Variants in NTRK2 observed in about 807,000 individuals in gnomAD.
NTRK2 encodes neurotrophic receptor tyrosine kinase 2.
A neutral mutation model predicts 94.5 loss-of-function variants in NTRK2; 13 were observed. The observed-to-expected ratio is 0.14, with a 90% CI of 0.09 to 0.22. The LOEUF (loss-of-function observed/expected upper bound fraction) is 0.22, where lower values mean the gene tolerates loss of function less well. Ranked by LOEUF, NTRK2 falls within the 10% of genes least tolerant of loss-of-function variation. The probability of loss-of-function intolerance (pLI) is 1.00; values close to 1 mark genes in which losing one functional copy is unlikely to be tolerated. For synonymous variants in NTRK2, 372 were observed against 407.4 expected (o/e 0.91, Z 1.05); for missense variants, 639 against 1,071.2 (o/e 0.60, Z 5.63).
intron 9 of NTRK2, among the ~76,000 whole-genome samples, chr9:84,731,157 G>C (rs957366871): frequency 7.2e-5 from 11 of 152,116 alleles, no homozygotes; most frequent in African/African-American, 2.7e-4. Context: ...ATTTCTGCTC[G>C]GGCGCGCTGG....
intron 12 of NTRK2, 34 bp from the exon 13 acceptor site, chr9:84,861,006 C>T (rs762888338): frequency 8.7e-6 from 14 of 1,602,050 alleles, no homozygotes; most frequent in Admixed American, 3.3e-5. Context: ...ACTTCTCTTT[C>T]GAAGTTTATT....
At position 84,961,567 on chromosome 9, in the gene NTRK2, A is replaced by T. The variant is rs1477862214; in HGVS notation, c.2172+6050A>T. Among the ~76,000 whole-genome samples, 4 of 152,346 alleles carry T rather than the reference A, an allele frequency of 2.6e-5. No individual in the cohort carries two copies. In the East Asian group the frequency reaches 7.7e-4, roughly 29 times the overall value. On this transcript the variant is annotated intron_variant, in intron 17 of 18. Transcript: ENST00000277120. ...TTCAGCCTCCCTAAGAACCTTTTAC[A>T]TATGCTTTGGAGTTGCCACAGGGTG... is the stretch of plus-strand genomic sequence containing the variant.
At chr9:84,810,466 T>G in intron 12 of NTRK2, 1 of 1,307,588 alleles carries the variant, frequency 7.6e-7, no homozygotes. Flanking sequence ...CATTTGAAAG[T>G]TATTGTACTT....
In NTRK2 at chr9:85,025,345, C is replaced by A; in HGVS notation, c.*3908C>A. The A allele has an allele frequency of 4.3e-6, 1 of 233,154 alleles. No homozygotes were observed. Among genetic ancestry groups the A allele is most frequent in the Non-Finnish European group, 8.5e-6 (1 of 118,002 alleles). The allele number at this position is 233,154 out of a possible 1,614,324, so 14.4% of individuals were successfully genotyped here. ...CACCTTGTCTCTGTCTCACTGTGAC[C>A]CCTTTACACTTGAGTTCAGAGTTCA... is the stretch of plus-strand genomic sequence containing the variant. On this transcript the variant is annotated 3_prime_UTR_variant, in exon 19 of 19. Coordinates refer to ENST00000277120, the MANE Select transcript of NTRK2 (RefSeq NM_006180.6).
At chr9:84,672,565 G>A (rs561068560) in intron 2 of NTRK2, among the ~76,000 whole-genome samples, 3 of 152,284 alleles carry the variant, frequency 2.0e-5, no homozygotes, top group Admixed American at 2.0e-4. Context: ...ATTATGGGGA[G>A]TGCCTTCCAC....
intron 9 of NTRK2, among the ~76,000 whole-genome samples, chr9:84,728,523 G>A (rs148169285): frequency 4.6e-5 from 7 of 152,212 alleles, no homozygotes; most frequent in South Asian, 2.1e-4. Context: ...ATGCAAAACC[G>A]CAAGCGCAGG....
At chr9:84,725,705 C>T (rs1202536782) in intron 8 of NTRK2, among the ~76,000 whole-genome samples, 2 of 149,600 alleles carry the variant, frequency 1.3e-5, no homozygotes, top group Non-Finnish European at 3.0e-5. Context: ...AGGGTCTCCC[C>T]AAATTATATT....
intron 4 of NTRK2, among the ~76,000 whole-genome samples, chr9:84,703,289 ACCC>A (rs2060842573): frequency 6.6e-6 from 1 of 152,118 alleles, no homozygotes; most frequent in Non-Finnish European, 1.5e-5. Context: ...TATCTGTGGG[ACCC>A]TCACCTGGAT....
intron 17 of NTRK2, among the ~76,000 whole-genome samples, chr9:84,969,517 T>G (rs930247418): frequency 2.6e-5 from 4 of 152,264 alleles, no homozygotes; most frequent in Non-Finnish European, 5.9e-5. Flanking sequence ...AAGAACAGCG[T>G]TGCATTCAGC....
intron 12 of NTRK2, among the ~76,000 whole-genome samples, chr9:84,830,129 G>C (rs1480983610): frequency 6.6e-6 from 1 of 152,196 alleles, no homozygotes; most frequent in East Asian, 1.9e-4. Flanking sequence ...GTAGACTTAT[G>C]CTAAGTATGG....
intron 12 of NTRK2, among the ~76,000 whole-genome samples, chr9:84,761,804 G>T (rs910686620): frequency 4.6e-5 from 7 of 152,100 alleles, no homozygotes; most frequent in Non-Finnish European, 7.4e-5. Context: ...TATTTAGTTG[G>T]CATTCCCAGT....
chr9:84,925,650 C>T (rs909132797), intron 14 of NTRK2, among the ~76,000 whole-genome samples: 3 of 152,182 alleles, frequency 2.0e-5, no homozygotes, highest in African/African-American at 7.2e-5. Flanking sequence ...AAGAGTCTTG[C>T]TGAGCTGCGG....
intron 12 of NTRK2, among the ~76,000 whole-genome samples, chr9:84,859,276 G>A (rs1277216426): frequency 2.0e-5 from 3 of 152,174 alleles, no homozygotes; most frequent in Admixed American, 1.3e-4. Context: ...ATTCCTGTAA[G>A]GGGAAATTGG....
chr9:84,754,609 A>G (rs2064919459), intron 12 of NTRK2, among the ~76,000 whole-genome samples: 1 of 152,234 alleles, frequency 6.6e-6, no homozygotes, highest in Admixed American at 6.5e-5. Flanking sequence ...TATGCTTCCG[A>G]AAATAACCAG....
rs2304984 is a variant in NTRK2 at position 84,934,339 on chromosome 9, G to A, written c.1764+47G>A. On this transcript the variant is annotated intron_variant, in intron 15 of 18. Transcript: ENST00000277120. ...TCTCATTAACCATGATCACACTTACGTGTGGAAATTTAACTCTATTTTATT... is the reference window on the plus strand; with the variant it reads ...TCTCATTAACCATGATCACACTTACATGTGGAAATTTAACTCTATTTTATT... The A allele has an allele frequency of 4.0e-3, 6,407 of 1,607,406 alleles. 184 individuals are homozygous for A. In the Admixed American group the frequency reaches 0.055, roughly 14 times the overall value.
intron 18 of NTRK2, among the ~76,000 whole-genome samples, chr9:85,020,596 A>G (rs1001555366): frequency 1.3e-5 from 2 of 152,182 alleles, no homozygotes; most frequent in African/African-American, 4.8e-5. Flanking sequence ...TCCTCTGGTG[A>G]TGGGACTGAG....
intron 8 of NTRK2, among the ~76,000 whole-genome samples, chr9:84,727,010 T>C (rs565640695): frequency 6.6e-6 from 1 of 152,322 alleles, no homozygotes; most frequent in Non-Finnish European, 1.5e-5. Flanking sequence ...AACATTGGCA[T>C]CTAGGATCCT....
chr9:84,670,766 G>A lies in NTRK2; in HGVS notation c.18G>A (p.Arg6=), dbSNP rs2131265532. 6.2e-7 allele frequency: 1 copy of A among 1,613,494 alleles called. No homozygotes were observed. Residue 6 remains arginine (R), a synonymous_variant, in exon 2 of 19, where the codon AGG becomes AGA. Transcript: ENST00000277120. MSSWI[R]WHGPAMARLW... ...TGCTAGGGATGTCGTCCTGGATAAGGTGGCATGGACCCGCCATGGCGCGGC... is the reference window on the plus strand; with the variant it reads ...TGCTAGGGATGTCGTCCTGGATAAGATGGCATGGACCCGCCATGGCGCGGC...
At chr9:84,935,175 G>T (rs553440019) in intron 15 of NTRK2, among the ~76,000 whole-genome samples, 1 of 152,198 alleles carries the variant, frequency 6.6e-6, no homozygotes, top group Admixed American at 6.5e-5. Flanking sequence ...TAAAATGTAA[G>T]TTCTTGACAT....
Sources: gnomAD v4.1 joint callset for allele counts (sites outside exome capture counted in the v4.1 genomes callset) on GRCh38, gnomAD v4.1.1 for gene constraint, MANE v1.5 for transcripts, NCBI Gene and HGNC (gene_info 2026-07-23, HGNC 2026-07-21) for gene names.